PAQR5: variants seen among roughly 807,000 people sequenced by gnomAD.
The protein encoded by PAQR5 is membrane progestin receptor gamma.
A neutral mutation model predicts 34.5 loss-of-function variants in PAQR5; 20 were observed. The observed-to-expected ratio is 0.58, with a 90% CI of 0.41 to 0.84. PAQR5 has a LOEUF of 0.84. Among genes scored for constraint, PAQR5 ranks in the 40% least tolerant of loss-of-function variants. The probability of loss-of-function intolerance (pLI) is 0.00; values close to 1 mark genes in which losing one functional copy is unlikely to be tolerated. For missense variants in PAQR5, 378 were observed against 412.7 expected (o/e 0.92, Z 0.73); for synonymous variants, 131 against 155.6 (o/e 0.84, Z 1.18).
rs371656199 is a variant in PAQR5 at position 69,379,910 on chromosome 15, G to A, written c.79G>A (p.Gly27Ser). Residue 27 changes from glycine (G) to serine (S), a missense_variant, in exon 4 of 9, where the codon GGC becomes AGC. Coordinates refer to ENST00000395407, the MANE Select transcript of PAQR5 (RefSeq NM_017705.4). The stretch of plus-strand genomic sequence containing the variant: ...GTTCCATGAGCAAGGCATCCTGTTC[G>A]GCTACCGCCATCCACAGAGTTCTGC... Reference protein sequence around the residue: ...QVFHEQGILFGYRHPQSSATA... With the variant: ...QVFHEQGILFSYRHPQSSATA... The A allele has an allele frequency of 9.3e-6, 15 of 1,613,934 alleles. No individual in the cohort carries two copies. The highest frequency in any genetic ancestry group is 4.0e-5 in the African/African-American group (3 of 74,920).
At chr15:69,376,497 T>C (rs535705835) in intron 3 of PAQR5, among the ~76,000 whole-genome samples, 1 of 152,166 alleles carries the variant, frequency 6.6e-6, no homozygotes, top group Non-Finnish European at 1.5e-5. Context: ...TAGGGTTCCA[T>C]AGACAGAGGT....
chr15:69,344,901 G>A (rs1185564767), intron 2 of PAQR5, among the ~76,000 whole-genome samples: 1 of 152,174 alleles, frequency 6.6e-6, no homozygotes, highest in African/African-American at 2.4e-5. Flanking sequence ...TTAGAGACCA[G>A]TCTGGTCAAC....
At chr15:69,306,884 C>T (rs371789133) in intron 1 of PAQR5, among the ~76,000 whole-genome samples, 16 of 152,192 alleles carry the variant, frequency 1.1e-4, no homozygotes, top group African/African-American at 3.6e-4. Context: ...TCATCCTTTC[C>T]GTCTTTTTAT....
At chr15:69,325,380 G>A (rs145752242) in intron 1 of PAQR5, among the ~76,000 whole-genome samples, 35 of 152,258 alleles carry the variant, frequency 2.3e-4, no homozygotes, top group Middle Eastern at 3.4e-3. Context: ...GAGGGAACGA[G>A]CACCCACCTG....
chr15:69,319,095 C>T (rs2054020973), intron 1 of PAQR5, among the ~76,000 whole-genome samples: 2 of 149,846 alleles, frequency 1.3e-5, no homozygotes, highest in South Asian at 4.2e-4. Flanking sequence ...GATTGTGCCA[C>T]TGCACTCCAG....
intron 1 of PAQR5, among the ~76,000 whole-genome samples, chr15:69,307,328 C>A (rs1200213415): frequency 1.3e-5 from 2 of 152,158 alleles, no homozygotes; most frequent in Non-Finnish European, 1.5e-5. Flanking sequence ...TGGATGCGTG[C>A]CCAGAAGTGG....
intron 1 of PAQR5, among the ~76,000 whole-genome samples, chr15:69,304,208 G>C (rs1234977042): frequency 6.6e-6 from 1 of 152,180 alleles, no homozygotes; most frequent in Non-Finnish European, 1.5e-5. Flanking sequence ...CTCCTGAAGA[G>C]GGTGAGGCCC....
chr15:69,355,316 CTTT>C (rs2055033064), intron 2 of PAQR5, among the ~76,000 whole-genome samples: 1 of 41,556 alleles, frequency 2.4e-5, no homozygotes, highest in African/African-American at 1.4e-4. Context: ...TTCTTTCTTT[CTTT>C]CTTTCTTTCT....
At chr15:69,302,275 G>A (rs939757954) in intron 1 of PAQR5, among the ~76,000 whole-genome samples, 1 of 152,022 alleles carries the variant, frequency 6.6e-6, no homozygotes, top group African/African-American at 2.4e-5. Context: ...GTCTCACTAT[G>A]TTGCCCAGGC....
intron 2 of PAQR5, among the ~76,000 whole-genome samples, chr15:69,355,293 TTTCTTTC>T (rs1567017087): frequency 3.1e-4 from 27 of 85,856 alleles, no homozygotes; most frequent in Non-Finnish European, 3.9e-4. Flanking sequence ...CTTTCTTTTC[TTTCTTTC>T]TTTCTTTCTT....
intron 3 of PAQR5, among the ~76,000 whole-genome samples, chr15:69,366,456 T>A (rs2055405088): frequency 6.6e-6 from 1 of 152,208 alleles, no homozygotes; most frequent in African/African-American, 2.4e-5. Flanking sequence ...TCAGTCTCTT[T>A]GGTGTACAAC....
At chr15:69,403,517 TAGCATGTATC>T (rs2056698911) in intron 8 of PAQR5, 54 bp from the exon 9 acceptor site, 11 of 1,503,888 alleles carry the variant, frequency 7.3e-6, no homozygotes, top group Non-Finnish European at 1.0e-5. Flanking sequence ...ATGAATGCCA[TAGCATGTATC>T]AGTACTCATT....
intron 1 of PAQR5, among the ~76,000 whole-genome samples, chr15:69,317,270 A>G (rs2053974933): frequency 6.6e-6 from 1 of 152,146 alleles, no homozygotes; most frequent in African/African-American, 2.4e-5. Flanking sequence ...TGCCATACAC[A>G]CCAGGGGGAG....
intron 3 of PAQR5, among the ~76,000 whole-genome samples, chr15:69,374,242 T>C (rs1226119343): frequency 6.6e-6 from 1 of 152,210 alleles, no homozygotes; most frequent in African/African-American, 2.4e-5. Context: ...TGGTGTGCAA[T>C]TGTTGTTTTA....
At chr15:69,395,764 G>T (rs1305817806) in intron 6 of PAQR5, among the ~76,000 whole-genome samples, 1 of 152,212 alleles carries the variant, frequency 6.6e-6, no homozygotes, top group East Asian at 1.9e-4. Flanking sequence ...ACCTCTCCGG[G>T]AGTTTGGTTC....
intron 1 of PAQR5, among the ~76,000 whole-genome samples, chr15:69,334,947 G>A (rs1434327986): frequency 1.3e-5 from 2 of 152,146 alleles, no homozygotes; most frequent in African/African-American, 4.8e-5. Flanking sequence ...AATTGGCTGG[G>A]CGCGGTGGCT....
At chr15:69,343,008 C>T (rs2054680413) in intron 2 of PAQR5, among the ~76,000 whole-genome samples, 1 of 152,206 alleles carries the variant, frequency 6.6e-6, no homozygotes, top group African/African-American at 2.4e-5. Context: ...ACCTGAAACC[C>T]CTATGTTAAC....
chr15:69,388,828 A>G (rs2056180464), intron 5 of PAQR5, among the ~76,000 whole-genome samples: 1 of 152,196 alleles, frequency 6.6e-6, no homozygotes, highest in South Asian at 2.1e-4. Flanking sequence ...TGTCTTTGGA[A>G]TGACAGGTGA....
At chr15:69,345,446 C>T (rs2054744309) in intron 2 of PAQR5, among the ~76,000 whole-genome samples, 1 of 152,074 alleles carries the variant, frequency 6.6e-6, no homozygotes, top group South Asian at 2.1e-4. Context: ...AGAGTGTAGG[C>T]CAAAGTTCTG....
Sources: gnomAD v4.1 joint callset for allele counts (sites outside exome capture counted in the v4.1 genomes callset) on GRCh38, gnomAD v4.1.1 for gene constraint, MANE v1.5 for transcripts, NCBI Gene and HGNC (gene_info 2026-07-23, HGNC 2026-07-21) for gene names.